Variants in MYCT1 observed in about 807,000 individuals in gnomAD.
MYCT1 encodes MYC target 1.
MYCT1 carries 12 observed loss-of-function variants against 15.0 expected under a neutral mutation model. The ratio of observed to expected loss-of-function variants is 0.80; its 90% CI spans 0.51 to 1.29. MYCT1 has a LOEUF of 1.29. Ranked by LOEUF, MYCT1 falls within the 50% of genes most tolerant of loss-of-function variation. The probability of loss-of-function intolerance (pLI) is 0.00; values close to 1 mark genes in which losing one functional copy is unlikely to be tolerated. For missense variants in MYCT1, 287 were observed against 279.1 expected, an observed-to-expected ratio of 1.03 and a Z score of -0.20; for synonymous variants, 104 against 102.7, an observed-to-expected ratio of 1.01 and a Z score of -0.07.
intron 1 of MYCT1, among the ~76,000 whole-genome samples, chr6:152,717,514 G>A (rs1046665491): frequency 6.6e-6 from 1 of 152,122 alleles, no homozygotes; most frequent in Non-Finnish European, 1.5e-5. Context: ...TTCCTGTGCT[G>A]TTCTTGTGAT....
chr6:152,737,688 G>A, the MYCT1 span, among the ~76,000 whole-genome samples: 1 of 152,064 alleles, frequency 6.6e-6, no homozygotes, highest in African/African-American at 2.4e-5. Flanking sequence ...AAGTTATTGT[G>A]AATGAAAGAA....
rs533054021 is a variant in MYCT1 at position 152,706,155 on chromosome 6, T to G, written c.196+8057T>G. ...TCCTAGAATAGTGCTTTACCTTTATTAATGAACTGTGACAGGAAGCCCAAG... is the reference window on the plus strand; with the variant it reads ...TCCTAGAATAGTGCTTTACCTTTATGAATGAACTGTGACAGGAAGCCCAAG... On this transcript the variant is annotated intron_variant, in intron 1 of 1. Coordinates refer to ENST00000367245, the MANE Select transcript of MYCT1 (RefSeq NM_025107.3). The G allele has an allele frequency of 4.7e-5, 62 of 1,313,528 alleles. No individual in the cohort carries two copies. The African/African-American group carries it at 7.1e-4, about 15-fold the overall frequency. 81.4% of individuals were successfully genotyped at this position (1,313,528 alleles called of 1,614,324 possible).
intron 1 of MYCT1, among the ~76,000 whole-genome samples, chr6:152,707,679 A>G (rs372913881): frequency 1.3e-5 from 2 of 152,040 alleles, no homozygotes; most frequent in Non-Finnish European, 2.9e-5. Context: ...TCTATATAGT[A>G]TGAGATAAGG....
the MYCT1 span, among the ~76,000 whole-genome samples, chr6:152,746,795 C>CTTTCTACA: frequency 6.6e-6 from 1 of 152,144 alleles, no homozygotes; most frequent in East Asian, 1.9e-4. Flanking sequence ...TTGCATTGTT[C>CTTTCTACA]TTTCTACATG....
At chr6:152,712,813 T>C (rs1208014223) in intron 1 of MYCT1, among the ~76,000 whole-genome samples, 1 of 152,150 alleles carries the variant, frequency 6.6e-6, no homozygotes, top group Admixed American at 6.6e-5. Context: ...AATGTTATTA[T>C]TATTTGTAAT....
chr6:152,722,741 C>CA lies in MYCT1; in HGVS notation c.*488_*489insA. The CA allele has an allele frequency of 2.5e-6, 1 of 400,988 alleles. No individual in the cohort carries two copies. Among genetic ancestry groups the CA allele is most frequent in the Non-Finnish European group, 4.9e-6 (1 of 202,920 alleles). 24.8% of individuals were successfully genotyped at this position (400,988 alleles called of 1,614,324 possible). ...TGACATTTTACAATCTTAGATTTTT[C>CA]TTTTTTTTTCTTTTGAGACAGGGTC... On this transcript the variant is annotated 3_prime_UTR_variant, in exon 2 of 2. Coordinates refer to ENST00000367245, the MANE Select transcript of MYCT1 (RefSeq NM_025107.3).
At chr6:152,733,038 T>C in the MYCT1 span, among the ~76,000 whole-genome samples, 1 of 152,188 alleles carries the variant, frequency 6.6e-6, no homozygotes, top group African/African-American at 2.4e-5. Context: ...TTTTTATTTT[T>C]GTGTGTTTGG....
At chr6:152,702,026 A>G (rs1319523045) in intron 1 of MYCT1, among the ~76,000 whole-genome samples, 1 of 151,838 alleles carries the variant, frequency 6.6e-6, no homozygotes, top group Non-Finnish European at 1.5e-5. Context: ...GCGGCTTGCC[A>G]TCTTTCCCAG....
At chr6:152,698,494 G>A (rs989761395) in intron 1 of MYCT1, among the ~76,000 whole-genome samples, 1 of 151,934 alleles carries the variant, frequency 6.6e-6, no homozygotes. Flanking sequence ...TTTGTTTGAA[G>A]GTTATAGATT....
chr6:152,740,960 CTT>C, the MYCT1 span, among the ~76,000 whole-genome samples: 13 of 152,086 alleles, frequency 8.5e-5, no homozygotes, highest in Admixed American at 2.0e-4. Context: ...ACCCCAGCCA[CTT>C]TTTATTTCCT....
chr6:152,731,941 G>A, the MYCT1 span, among the ~76,000 whole-genome samples: 1 of 152,028 alleles, frequency 6.6e-6, no homozygotes, highest in Non-Finnish European at 1.5e-5. Context: ...TAGAGATGAG[G>A]TTTCACCATG....
chr6:152,726,651 C>T (rs1350673942), downstream of MYCT1, among the ~76,000 whole-genome samples: 2 of 151,902 alleles, frequency 1.3e-5, no homozygotes, highest in African/African-American at 2.4e-5. Flanking sequence ...TTATTTTTTT[C>T]GTTCCCTTTC....
chr6:152,722,012 T>G lies in MYCT1; in HGVS notation c.467T>G (p.Phe156Cys), dbSNP rs1358673267. The G allele has an allele frequency of 1.2e-6, 2 of 1,614,180 alleles. No individual in the cohort carries two copies. The highest frequency in any genetic ancestry group is 1.7e-5 in the Admixed American group (1 of 60,018). ...RQASLEQANS[F>C]PRKSSFRAST... ...GCTTCCCTGGAACAAGCAAATTCCT[T>G]TCCAAGAAAATCAAGTTTCAGAGCT... The change falls in exon 2 of 2, where the codon TTT becomes TGT. Residue 156 changes from phenylalanine to cysteine, a missense_variant. Physicochemically the swap from Phe to Cys is radical, Grantham distance 205 (BLOSUM62 -2). Transcript: ENST00000367245.
downstream of MYCT1, among the ~76,000 whole-genome samples, chr6:152,727,552 G>GT (rs2099725878): frequency 6.6e-6 from 1 of 152,218 alleles, no homozygotes; most frequent in South Asian, 2.1e-4. Flanking sequence ...AGCCATGCTG[G>GT]AAGAACAGAT....
intron 1 of MYCT1, among the ~76,000 whole-genome samples, chr6:152,704,412 G>C (rs1042285803): frequency 1.3e-5 from 2 of 152,084 alleles, no homozygotes; most frequent in Non-Finnish European, 2.9e-5. Context: ...GATTTTTATA[G>C]TAAGTCTTGA....
chr6:152,715,879 A>C (rs1336013187), intron 1 of MYCT1, among the ~76,000 whole-genome samples: 1 of 152,188 alleles, frequency 6.6e-6, no homozygotes, highest in Admixed American at 6.5e-5. Flanking sequence ...GGAAGAGTAG[A>C]GGAGATGGGC....
At chr6:152,745,830 AG>A in the MYCT1 span, among the ~76,000 whole-genome samples, 1 of 152,198 alleles carries the variant, frequency 6.6e-6, no homozygotes. Context: ...TTTCCTAAGC[AG>A]GGTGTGCAAC....
At chr6:152,744,119 C>T in the MYCT1 span, among the ~76,000 whole-genome samples, 1 of 149,572 alleles carries the variant, frequency 6.7e-6, no homozygotes, top group African/African-American at 2.4e-5. Flanking sequence ...GACCTTTTCT[C>T]TGCAATTGTG....
At position 152,723,287 on chromosome 6, in the gene MYCT1, G is replaced by A. The variant is rs1250921661; in HGVS notation, c.*1034G>A. 6.6e-6 allele frequency: 1 copy of A among 152,120 alleles called. No individual in the cohort carries two copies. The highest frequency in any genetic ancestry group is 2.4e-5 in the African/African-American group (1 of 41,424). 9.4% of individuals were successfully genotyped at this position (152,120 alleles called of 1,614,324 possible). On this transcript the variant is annotated 3_prime_UTR_variant, in exon 2 of 2. Transcript: ENST00000367245. ...GATGATTTACCTTTTCTTCACCGTT[G>A]TCGTTACATTGTTAGAAAAGCAACA...
Sources: allele counts gnomAD v4.1 joint callset (sites outside exome capture counted in the v4.1 genomes callset), GRCh38; gene constraint gnomAD v4.1.1; transcripts MANE v1.5; gene names NCBI Gene and HGNC (gene_info 2026-07-23, HGNC 2026-07-21).